The following DNAH9 variants were observed in gnomAD, a reference collection of about 807,000 sequenced individuals.
DNAH9 encodes dynein axonemal heavy chain 9.
Under a neutral mutation model 471.6 loss-of-function variants are expected in DNAH9, and 345 were observed. The ratio of observed to expected loss-of-function variants is 0.73; its 90% CI spans 0.67 to 0.80. The LOEUF is 0.80. Ranked by LOEUF, DNAH9 falls within the 30% of genes least tolerant of loss-of-function variation. The pLI, the probability that DNAH9 is intolerant of heterozygous loss-of-function variation, is 0.00. For synonymous variants in DNAH9, 2,093 were observed against 2,123.6 expected, an observed-to-expected ratio of 0.99 and a Z score of 0.40; for missense variants, 5,407 against 5,609.2, an observed-to-expected ratio of 0.96 and a Z score of 1.15.
intron 38 of DNAH9, among the ~76,000 whole-genome samples, chr17:11,776,353 C>CAAAA (rs78587925): frequency 8.9e-6 from 1 of 112,722 alleles, no homozygotes; most frequent in African/African-American, 3.1e-5. Context: ...CATCTGCATT[C>CAAAA]AAAAAAAAAA....
At chr17:11,739,170 T>A in intron 29 of DNAH9, 133 bp downstream of exon 29, 1 of 831,250 alleles carries the variant, frequency 1.2e-6, no homozygotes, top group Non-Finnish European at 1.8e-6. Flanking sequence ...CAACCTTCTT[T>A]AATGTCTTTA....
At chr17:11,743,852 T>A (rs894956887) in intron 30 of DNAH9, among the ~76,000 whole-genome samples, 1 of 150,336 alleles carries the variant, frequency 6.7e-6, no homozygotes, top group Admixed American at 6.6e-5. Context: ...TTTTTTGAGA[T>A]GGAGTCTCCC....
chr17:11,701,134 C>A lies in DNAH9; in HGVS notation c.5038C>A (p.Leu1680Met). Residue 1680 changes from leucine (L) to methionine (M), a missense_variant, in exon 24 of 69, where the codon CTG becomes ATG. Coordinates refer to ENST00000262442, the MANE Select transcript of DNAH9 (RefSeq NM_001372.4). Reference sequence around the variant, plus strand: ...GTTGTTCTTTCAGGTAGAAATATGGCTGAACCATGTCCTTGGTCACATGAA... The same window carrying A: ...GTTGTTCTTTCAGGTAGAAATATGGATGAACCATGTCCTTGGTCACATGAA... ...CDCSGQVEIW[L>M]NHVLGHMKAT... The A allele has an allele frequency of 2.5e-6, 4 of 1,614,164 alleles. No homozygotes were observed. Among genetic ancestry groups the A allele is most frequent in the Non-Finnish European group, 3.4e-6 (4 of 1,180,000 alleles).
chr17:11,946,687 G>GAA (rs1198637342), intron 67 of DNAH9, among the ~76,000 whole-genome samples: 1 of 128,096 alleles, frequency 7.8e-6, no homozygotes, highest in Non-Finnish European at 1.7e-5. Flanking sequence ...AAAAGAAAAA[G>GAA]AAAAAAAAAA....
At chr17:11,636,181 T>C (rs950940337) in intron 8 of DNAH9, among the ~76,000 whole-genome samples, 2 of 152,104 alleles carry the variant, frequency 1.3e-5, no homozygotes, top group Admixed American at 6.5e-5. Flanking sequence ...AATTTTTGTA[T>C]TTTTAGTAGA....
intron 49 of DNAH9, among the ~76,000 whole-genome samples, chr17:11,842,325 T>C (rs1440934739): frequency 6.6e-6 from 1 of 152,202 alleles, no homozygotes; most frequent in Admixed American, 6.5e-5. Flanking sequence ...TAGTATATAA[T>C]GCTATTTATG....
In DNAH9 at chr17:11,719,427, C is replaced by T; in HGVS notation, c.5646C>T (p.Asp1882=). The T allele has an allele frequency of 6.2e-7, 1 of 1,613,934 alleles. No individual in the cohort carries two copies. The change falls in exon 27 of 69, where the codon GAC becomes GAT. Residue 1882 remains aspartate (D), a synonymous_variant. Coordinates refer to ENST00000262442, the MANE Select transcript of DNAH9 (RefSeq NM_001372.4). ...CAGGCAAGACCGAGACCACCAAGGA[C>T]CTGGGCCGCGCACTGGGCATCCTGG... is the stretch of plus-strand genomic sequence containing the variant. ...AGTGKTETTK[D]LGRALGILVY... is the part of the protein sequence containing the mutation.
In DNAH9 at chr17:11,704,188, C is replaced by A; in HGVS notation, c.5152-15C>A. On this transcript the variant is annotated splice_polypyrimidine_tract_variant and intron_variant, in intron 24 of 68. Coordinates refer to ENST00000262442, the MANE Select transcript of DNAH9 (RefSeq NM_001372.4). ...CCATGATAACAGCTTTACTAGGCAA[C>A]TCTTGCTGCCACAGGTGGCCCTGAC... 6.2e-7 allele frequency: 1 copy of A among 1,613,928 alleles called. No homozygotes were observed. Among genetic ancestry groups the A allele is most frequent in the Non-Finnish European group, 8.5e-7 (1 of 1,179,904 alleles).
intron 67 of DNAH9, among the ~76,000 whole-genome samples, chr17:11,951,816 G>A (rs766397547): frequency 2.2e-4 from 34 of 151,752 alleles, no homozygotes; most frequent in Middle Eastern, 3.4e-3. Context: ...CCAGCTACTC[G>A]GGAGGCTGAG....
intron 5 of DNAH9, 61 bp from the exon 6 acceptor site, chr17:11,619,487 G>T: frequency 1.1e-6 from 1 of 884,122 alleles, no homozygotes; most frequent in Non-Finnish European, 1.9e-6. Context: ...TTCAGAGTTG[G>T]TGTTGCAAAG....
intron 67 of DNAH9, among the ~76,000 whole-genome samples, chr17:11,946,473 C>T (rs1233689091): frequency 5.3e-5 from 8 of 151,156 alleles, no homozygotes; most frequent in Middle Eastern, 6.9e-3. Context: ...ACCAGCCTGG[C>T]CAATATGGTG....
At position 11,873,609 on chromosome 17, in the gene DNAH9, C is replaced by T. The variant is rs781068142; in HGVS notation, c.10243-1340C>T. 2.6e-5 allele frequency among the ~76,000 whole-genome samples: 4 copies of T among 152,166 alleles called. No individual in the cohort carries two copies. The East Asian group carries it at 5.8e-4, about 22-fold the overall frequency. On this transcript the variant is annotated intron_variant, in intron 52 of 68. Coordinates refer to ENST00000262442, the MANE Select transcript of DNAH9 (RefSeq NM_001372.4). ...GTTAAAAGGGTATTTGTCTAAACCT[C>T]GAAAGCATTATGCTAAGTGAAAGTA...
At chr17:11,731,846 G>A (rs2075275878) in intron 28 of DNAH9, among the ~76,000 whole-genome samples, 1 of 152,040 alleles carries the variant, frequency 6.6e-6, no homozygotes, top group Non-Finnish European at 1.5e-5. Context: ...TGTGAATAGT[G>A]CCGCAATAAA....
chr17:11,666,390 T>C (rs941869070), intron 15 of DNAH9, among the ~76,000 whole-genome samples: 1 of 152,106 alleles, frequency 6.6e-6, no homozygotes, highest in African/African-American at 2.4e-5. Context: ...ATGTGTCCAC[T>C]TGTGGGAAGG....
At chr17:11,942,958 T>G (rs983610099) in intron 67 of DNAH9, among the ~76,000 whole-genome samples, 1 of 148,684 alleles carries the variant, frequency 6.7e-6, no homozygotes, top group Non-Finnish European at 1.5e-5. Flanking sequence ...TGCAGTGGTG[T>G]GATCTCGGCT....
rs116702216 is a variant in DNAH9, at chr17:11,947,956, G to A, written c.12843+5471G>A. Reference sequence around the variant, plus strand: ...ATTCTTGTGTTTCTTTAGTAGAGACGGGGTTTCACCTTATTGACCAGGCTG... The same window carrying A: ...ATTCTTGTGTTTCTTTAGTAGAGACAGGGTTTCACCTTATTGACCAGGCTG... On this transcript the variant is annotated intron_variant, in intron 67 of 68. Coordinates refer to ENST00000262442, the MANE Select transcript of DNAH9 (RefSeq NM_001372.4). Among the ~76,000 whole-genome samples, 1,374 of 151,702 alleles carry A rather than the reference G, an allele frequency of 9.1e-3. 23 individuals carry two copies. The highest frequency in any genetic ancestry group is 0.032 in the African/African-American group (1,318 of 41,370).
Position 11,690,284 on chromosome 17 carries a change from G to A in DNAH9, c.4462G>A (p.Val1488Ile), listed in dbSNP as rs1247828636. ...QLQNLVMSKY[V>I]AFFLEEVSGW... Reference sequence around the variant, plus strand: ...TCAGAACCTGGTGATGTCCAAGTATGTTGCTTTCTTCTTGGAGGAGGTGTC... The same window carrying A: ...TCAGAACCTGGTGATGTCCAAGTATATTGCTTTCTTCTTGGAGGAGGTGTC... Residue 1488 changes from valine (V) to isoleucine (I), a missense_variant, in exon 20 of 69, where the codon GTT becomes ATT. Around this residue, in one of 3 missense-constraint regions of DNAH9, gnomAD observed 4,636 missense variants for 4,900.3 expected, o/e 0.95. Coordinates refer to ENST00000262442, the MANE Select transcript of DNAH9 (RefSeq NM_001372.4). The A allele has an allele frequency of 1.2e-6, 2 of 1,614,056 alleles. No individual in the cohort carries two copies. Among genetic ancestry groups the A allele is most frequent in the Non-Finnish European group, 1.7e-6 (2 of 1,180,044 alleles).
At chr17:11,800,716 G>A (rs1314991377) in intron 43 of DNAH9, among the ~76,000 whole-genome samples, 1 of 152,114 alleles carries the variant, frequency 6.6e-6, no homozygotes, top group African/African-American at 2.4e-5. Context: ...TCACTGCTAA[G>A]TCCTCGCCTA....
chr17:11,721,239 C>T (rs923200203), intron 27 of DNAH9, among the ~76,000 whole-genome samples: 26 of 151,994 alleles, frequency 1.7e-4, no homozygotes, highest in African/African-American at 6.0e-4. Flanking sequence ...ACAGGGTGAA[C>T]GGGGGAGTCT....
Sources: allele counts gnomAD v4.1 joint callset (sites outside exome capture counted in the v4.1 genomes callset), GRCh38; gene constraint gnomAD v4.1.1; regional missense constraint gnomAD v4.1.1; transcripts MANE v1.5; gene names NCBI Gene and HGNC (gene_info 2026-07-23, HGNC 2026-07-21).